The following FGF14 variants were observed in gnomAD, a reference collection of about 807,000 sequenced individuals.
FGF14 encodes fibroblast growth factor 14, also known as fibroblast growth factor homologous factor 4.
FGF14 carries 5 observed loss-of-function variants against 25.5 expected under a neutral mutation model. The observed-to-expected ratio is 0.20, with a 90% CI of 0.10 to 0.41. The LOEUF (loss-of-function observed/expected upper bound fraction) is 0.41. Ranked by LOEUF, FGF14 falls within the 10% of genes least tolerant of loss-of-function variation. The probability of loss-of-function intolerance (pLI) is 1.00; values close to 1 mark genes in which losing one functional copy is unlikely to be tolerated. For missense variants in FGF14, 222 were observed against 320.1 expected, an observed-to-expected ratio of 0.69 and a Z score of 2.34; for synonymous variants, 138 against 118.3, an observed-to-expected ratio of 1.17 and a Z score of -1.08.
intron 1 of FGF14, among the ~76,000 whole-genome samples, chr13:101,889,323 A>C (rs957669835): frequency 6.6e-6 from 1 of 152,182 alleles, no homozygotes; most frequent in Admixed American, 6.5e-5. Flanking sequence ...AACTATGAGA[A>C]AAATCTGAGT....
At chr13:102,205,596 T>C (rs1033633614) in intron 1 of FGF14, among the ~76,000 whole-genome samples, 3 of 151,502 alleles carry the variant, frequency 2.0e-5, no homozygotes, top group Non-Finnish European at 4.4e-5. Context: ...CAGGAAGAAA[T>C]TGATAGCCTG....
intron 3 of FGF14, among the ~76,000 whole-genome samples, chr13:101,862,717 G>A (rs142393644): frequency 1.0e-3 from 153 of 152,172 alleles, no homozygotes; most frequent in African/African-American, 2.5e-3. Flanking sequence ...GCATTAGGGG[G>A]AAAATTAGCT....
intron 1 of FGF14, among the ~76,000 whole-genome samples, chr13:102,381,239 C>T (rs1490940297): frequency 6.6e-6 from 1 of 152,168 alleles, no homozygotes; most frequent in Non-Finnish European, 1.5e-5. Context: ...ATAAAAATTG[C>T]TCACTCCATT....
intron 1 of FGF14, among the ~76,000 whole-genome samples, chr13:101,881,834 C>G (rs1444464316): frequency 6.6e-6 from 1 of 152,176 alleles, no homozygotes; most frequent in Non-Finnish European, 1.5e-5. Flanking sequence ...CATCTTCAGA[C>G]TCCTTGTTAA....
chr13:102,101,112 A>G (rs550504222), intron 1 of FGF14, among the ~76,000 whole-genome samples: 4 of 139,676 alleles, frequency 2.9e-5, no homozygotes, highest in East Asian at 2.0e-4. Context: ...CAACCCCAGG[A>G]AAAAAAAAAA....
chr13:102,076,745 T>G (rs2043380848), intron 1 of FGF14, among the ~76,000 whole-genome samples: 5 of 152,074 alleles, frequency 3.3e-5, no homozygotes, highest in Admixed American at 3.3e-4. Context: ...CAAAATGACA[T>G]TTTTCACAGA....
intron 2 of FGF14, among the ~76,000 whole-genome samples, chr13:101,874,489 A>G (rs1441341279): frequency 6.6e-6 from 1 of 152,190 alleles, no homozygotes; most frequent in Non-Finnish European, 1.5e-5. Context: ...ATGCCAATAT[A>G]AACAGAAAAT....
intron 1 of FGF14, among the ~76,000 whole-genome samples, chr13:101,955,688 A>G (rs1345059767): frequency 6.6e-6 from 1 of 152,212 alleles, no homozygotes; most frequent in Non-Finnish European, 1.5e-5. Flanking sequence ...TGGACAGCTG[A>G]TTTCAATGGT....
At chr13:101,860,213 T>C (rs1594514729) in intron 3 of FGF14, among the ~76,000 whole-genome samples, 1 of 152,104 alleles carries the variant, frequency 6.6e-6, no homozygotes, top group East Asian at 1.9e-4. Context: ...CTTATTTCAT[T>C]TTCTGAAGTC....
rs774872814 is a variant in FGF14, at chr13:102,006,727, C to CTTTTTTTTTTTTT, written c.209-131444_209-131432dup. 1.3e-4 allele frequency among the ~76,000 whole-genome samples: 8 copies of CTTTTTTTTTTTTT among 61,966 alleles called. 1 individual carries two copies. The highest frequency in any genetic ancestry group is 5.7e-4 in the African/African-American group (8 of 13,920). 40.7% of individuals were successfully genotyped at this position (61,966 alleles called of 152,430 possible). A position where few individuals can be genotyped will look rare whatever the true frequency, so the allele number is the denominator to read the frequency against. On this transcript the variant is annotated intron_variant, in intron 1 of 4. Transcript: ENST00000376131. ...AAATATGAGTCACAAAATCTTACTT[C>CTTTTTTTTTTTTT]TTTTTTTTTTTTTTTTTTTTTTTTT...
At chr13:102,166,064 C>A (rs566519966) in intron 1 of FGF14, among the ~76,000 whole-genome samples, 1 of 151,686 alleles carries the variant, frequency 6.6e-6, no homozygotes, top group African/African-American at 2.4e-5. Context: ...ACCAGAAACT[C>A]TGCATCCATT....
At chr13:102,200,757 G>C (rs539435112) in intron 1 of FGF14, among the ~76,000 whole-genome samples, 1 of 152,080 alleles carries the variant, frequency 6.6e-6, no homozygotes, top group South Asian at 2.1e-4. Flanking sequence ...ACTTCATTTG[G>C]AGGGTGTCAT....
intron 1 of FGF14, among the ~76,000 whole-genome samples, chr13:102,258,949 AATAG>A (rs529993925): frequency 6.6e-6 from 1 of 152,194 alleles, no homozygotes; most frequent in Non-Finnish European, 1.5e-5. Context: ...CCAGGAAGTT[AATAG>A]ATAGATAGTT....
chr13:102,369,171 T>A (rs890814666), intron 1 of FGF14, among the ~76,000 whole-genome samples: 1 of 152,212 alleles, frequency 6.6e-6, no homozygotes, highest in Non-Finnish European at 1.5e-5. Context: ...GTCCTTTGAA[T>A]GTGGTTTTTC....
chr13:102,283,973 T>C (rs1209656322), intron 1 of FGF14, among the ~76,000 whole-genome samples: 2 of 152,210 alleles, frequency 1.3e-5, no homozygotes, highest in Non-Finnish European at 2.9e-5. Flanking sequence ...TCAATCATCG[T>C]TGGCACTTAC....
chr13:101,813,635 C>T (rs2041689620), intron 3 of FGF14, among the ~76,000 whole-genome samples: 1 of 152,180 alleles, frequency 6.6e-6, no homozygotes, highest in Non-Finnish European at 1.5e-5. Flanking sequence ...TCACCATTTA[C>T]AATGCCCTTG....
At chr13:101,829,666 C>T (rs1424437774) in intron 3 of FGF14, among the ~76,000 whole-genome samples, 1 of 151,938 alleles carries the variant, frequency 6.6e-6, no homozygotes, top group African/African-American at 2.4e-5. Flanking sequence ...AAGTAAATAC[C>T]AGGATCTGCC....
intron 1 of FGF14, among the ~76,000 whole-genome samples, chr13:101,898,242 A>G (rs540061232): frequency 6.6e-6 from 1 of 152,190 alleles, no homozygotes; most frequent in South Asian, 2.1e-4. Context: ...AATAGTGCAA[A>G]TATTCAAAAA....
intron 1 of FGF14, among the ~76,000 whole-genome samples, chr13:102,327,805 C>T (rs994937468): frequency 6.6e-6 from 1 of 151,056 alleles, no homozygotes; most frequent in South Asian, 2.1e-4. Flanking sequence ...TGCCACTGCA[C>T]CCCAATCTGA....
Sources: allele counts gnomAD v4.1 joint callset (sites outside exome capture counted in the v4.1 genomes callset), GRCh38; gene constraint gnomAD v4.1.1; transcripts MANE v1.5; gene names NCBI Gene and HGNC (gene_info 2026-07-23, HGNC 2026-07-21).